Variants in CYP27C1 observed in about 807,000 individuals in gnomAD.
CYP27C1 encodes cytochrome P450 27C1.
Under a neutral mutation model 40.6 loss-of-function variants are expected in CYP27C1, and 29 were observed. The observed-to-expected ratio is 0.71, with a 90% CI of 0.53 to 0.97. CYP27C1 has a LOEUF of 0.97. Ranked by LOEUF, CYP27C1 falls within the 50% of genes least tolerant of loss-of-function variation. The probability of loss-of-function intolerance (pLI) is 0.00; values close to 1 mark genes in which losing one functional copy is unlikely to be tolerated. For missense variants in CYP27C1, 390 were observed against 485.8 expected, an observed-to-expected ratio of 0.80 and a Z score of 1.85; for synonymous variants, 198 against 186.8, an observed-to-expected ratio of 1.06 and a Z score of -0.49.
At chr2:127,210,398 T>G (rs765625285) in intron 1 of CYP27C1, among the ~76,000 whole-genome samples, 1 of 152,162 alleles carries the variant, frequency 6.6e-6, no homozygotes, top group Non-Finnish European at 1.5e-5. Flanking sequence ...TACCAGCCAC[T>G]GCAAAAACAC....
chr2:127,203,680 G>T, intron 2 of CYP27C1, 109 bp from the exon 3 acceptor site: 2 of 1,107,210 alleles, frequency 1.8e-6, no homozygotes, highest in Non-Finnish European at 2.6e-6. Context: ...AACAAGAGCT[G>T]CCCAACAAAG....
Position 127,193,837 on chromosome 2 carries a change from C to A in CYP27C1, c.1245G>T (p.Arg415=), listed in dbSNP as rs1172428913. 3.7e-6 allele frequency: 6 copies of A among 1,614,078 alleles called. No individual in the cohort carries two copies. The highest frequency in any genetic ancestry group is 1.3e-5 in the African/African-American group (1 of 74,930). ...CAATAACCAGGTCTTCCTGGGTGACCCGGCCGTTCCCTGGCAGCACTGGAA... is the reference window on the plus strand; with the variant it reads ...CAATAACCAGGTCTTCCTGGGTGACACGGCCGTTCCCTGGCAGCACTGGAA... ...RLFPVLPGNG[R]VTQEDLVIGG... The change falls in exon 7 of 9, where the codon CGG becomes CGT. Residue 415 remains arginine, a synonymous_variant. Transcript: ENST00000664447.
chr2:127,198,595 G>C (rs898354059), intron 5 of CYP27C1, among the ~76,000 whole-genome samples: 1 of 152,092 alleles, frequency 6.6e-6, no homozygotes, highest in Non-Finnish European at 1.5e-5. Context: ...GTCAATGATG[G>C]ACCCAATATA....
At chr2:127,192,906 G>A (rs1291716427) in intron 8 of CYP27C1, among the ~76,000 whole-genome samples, 188 bp downstream of exon 8, 1 of 152,202 alleles carries the variant, frequency 6.6e-6, no homozygotes, top group Non-Finnish European at 1.5e-5. Flanking sequence ...GAACTCCTGG[G>A]TTCAAGTGAG....
chr2:127,209,516 G>A lies in CYP27C1; in HGVS notation c.283-3426C>T, dbSNP rs1320688584. 6.6e-6 allele frequency among the ~76,000 whole-genome samples: 1 copy of A among 152,108 alleles called. No individual in the cohort carries two copies. The highest frequency in any genetic ancestry group is 1.5e-5 in the Non-Finnish European group (1 of 68,034). On this transcript the variant is annotated intron_variant, in intron 1 of 8. Transcript: ENST00000664447. This position sits in a 1 kb window ranked among gnomAD's most constrained non-coding sequence, Gnocchi z 4.1. ...CACAGAACTGGATGGAGGATCAGAT[G>A]GACGAATTGACAGAAGTACACTTCA... is the stretch of plus-strand genomic sequence containing the variant.
At chr2:127,203,610 A>C in intron 2 of CYP27C1, 39 bp from the exon 3 acceptor site, 1 of 1,571,020 alleles carries the variant, frequency 6.4e-7, no homozygotes, top group Admixed American at 2.0e-5. Context: ...TCTTACTTAC[A>C]CTGACATTCT....
At position 127,217,960 on chromosome 2, in the gene CYP27C1, G is replaced by A. The variant is rs528494413; in HGVS notation, c.282+2029C>T. 5.3e-5 allele frequency among the ~76,000 whole-genome samples: 8 copies of A among 152,326 alleles called. No individual in the cohort carries two copies. The South Asian group carries it at 1.5e-3, about 28-fold the overall frequency. ...AGTACCATATTTGAGGGTTGGGGTA[G>A]TGCCACCTGGAGAGTAAAGGGAAAG... is the stretch of plus-strand genomic sequence containing the variant. On this transcript the variant is annotated intron_variant, in intron 1 of 8. Transcript: ENST00000664447.
rs1412023711 is a variant in CYP27C1, at chr2:127,186,429, A to T, written c.*842T>A. On this transcript the variant is annotated 3_prime_UTR_variant, in exon 9 of 9. Coordinates refer to ENST00000664447, the MANE Select transcript of CYP27C1 (RefSeq NM_001367502.1). The surrounding 1 kb of genome is among the most constrained non-coding windows in gnomAD (Gnocchi z 4.5). ...TATTTTATTTTTGAGAAAGGGTCTC[A>T]CTCTGTCACCCAGGCTGAAGTGCAG... 6.7e-6 allele frequency: 1 copy of T among 149,892 alleles called. No individual in the cohort carries two copies. The highest frequency in any genetic ancestry group is 1.9e-4 in the East Asian group (1 of 5,142). The allele number at this position is 149,892 out of a possible 1,614,324, so 9.3% of individuals were successfully genotyped here.
intron 1 of CYP27C1, among the ~76,000 whole-genome samples, chr2:127,211,470 C>T (rs757040530): frequency 4.0e-5 from 6 of 149,862 alleles, no homozygotes; most frequent in Non-Finnish European, 8.9e-5. Flanking sequence ...GCAAGCTCCG[C>T]CTCCCGGGTT....
chr2:127,213,914 T>G, intron 1 of CYP27C1, among the ~76,000 whole-genome samples: 1 of 152,214 alleles, frequency 6.6e-6, no homozygotes, highest in Admixed American at 6.5e-5. Context: ...TCTACCCATC[T>G]GACAAAGGTC....
intron 3 of CYP27C1, among the ~76,000 whole-genome samples, chr2:127,202,923 C>T (rs1039387632): frequency 2.0e-5 from 3 of 152,068 alleles, no homozygotes; most frequent in Non-Finnish European, 4.4e-5. Flanking sequence ...AATCCCAGCA[C>T]TTTGGGAGGC....
rs1431812216 is a variant in CYP27C1 at position 127,195,565 on chromosome 2, G to A, written c.1048-64C>T. On this transcript the variant is annotated intron_variant, in intron 5 of 8. Transcript: ENST00000664447. This position sits in a 1 kb window ranked among gnomAD's most constrained non-coding sequence, Gnocchi z 6.2. Reference sequence around the variant, plus strand: ...TAACACCAGGGACTGAAACAGAGGCGGTGGCAGGTAGGAAGTCCCCTGGGA... The same window carrying A: ...TAACACCAGGGACTGAAACAGAGGCAGTGGCAGGTAGGAAGTCCCCTGGGA... 12 of 1,557,494 alleles carry A rather than the reference G, an allele frequency of 7.7e-6. No individual in the cohort carries two copies. Among genetic ancestry groups the A allele is most frequent in the South Asian group, 3.6e-5 (3 of 84,410 alleles).
At position 127,208,639 on chromosome 2, in the gene CYP27C1, T is replaced by C. The variant is rs1405079803; in HGVS notation, c.283-2549A>G. Among the ~76,000 whole-genome samples the C allele has an allele frequency of 6.6e-6, 1 of 152,146 alleles. No homozygotes were observed. Among genetic ancestry groups the C allele is most frequent in the African/African-American group, 2.4e-5 (1 of 41,430 alleles). ...TGGGGAAGGGTGGCACCCATTTCTA[T>C]AGCTCCAGGCTGCACTTTTCCCCTG... On this transcript the variant is annotated intron_variant, in intron 1 of 8. Transcript: ENST00000664447. The surrounding 1 kb of genome is among the most constrained non-coding windows in gnomAD (Gnocchi z 5.2).
chr2:127,202,366 T>C (rs551337852), intron 3 of CYP27C1, among the ~76,000 whole-genome samples: 1 of 152,280 alleles, frequency 6.6e-6, no homozygotes, highest in South Asian at 2.1e-4. Context: ...CCTCAGGTGA[T>C]CCACCCGCCT....
At chr2:127,217,394 AG>A (rs1310168112) in intron 1 of CYP27C1, among the ~76,000 whole-genome samples, 2 of 152,266 alleles carry the variant, frequency 1.3e-5, no homozygotes, top group Admixed American at 1.3e-4. Flanking sequence ...AAAGAGTTCT[AG>A]AAATACTGAT....
In CYP27C1 at chr2:127,193,150, G is replaced by A. The variant is rs764987463; in HGVS notation, c.1441C>T (p.Arg481Cys). ...FGSIPFGHGV[R>C]SCIGRRIAEL... ...GCAATTCTCCGCCCTATGCAGCTGC[G>A]AACCCCATGACCAAAGGGGATGGAT... Residue 481 changes from arginine to cysteine, a missense_variant, in exon 8 of 9, where the codon CGC becomes TGC. Physicochemically the swap from Arg to Cys is radical, Grantham distance 180. Transcript: ENST00000664447. The A allele has an allele frequency of 1.1e-5, 17 of 1,614,016 alleles. No homozygotes were observed. The highest frequency in any genetic ancestry group is 4.5e-5 in the East Asian group (2 of 44,890).
rs765708204 is a variant in CYP27C1, at chr2:127,187,300, T to C, written c.1585A>G (p.Ile529Val). 2 of 1,614,066 alleles carry C rather than the reference T, an allele frequency of 1.2e-6. No homozygotes were observed. Among genetic ancestry groups the C allele is most frequent in the African/African-American group, 1.3e-5 (1 of 74,928 alleles). Residue 529 changes from isoleucine to valine, a missense_variant, in exon 9 of 9, where the codon ATC (isoleucine) becomes GTC (valine). Ile to Val is a conservative substitution (Grantham distance 29). Transcript: ENST00000664447. ...TTTCTGTTAACAAATCGCACGTGGA[T>C]GGGCCCCCCTGGCGTCAGGAGCCCG... ...THGLLTPGGP[I>V]HVRFVNRK is the part of the protein sequence containing the mutation.
At position 127,218,150 on chromosome 2, in the gene CYP27C1, T is replaced by A. The variant is rs137871544; in HGVS notation, c.282+1839A>T. ...GAGGGGCTGAGCTCAGGGTGAGGGC[T>A]GGCGGCAGGGGCGGGTGAATGGAAA... On this transcript the variant is annotated intron_variant, in intron 1 of 8. Transcript: ENST00000664447. This position sits in a 1 kb window ranked among gnomAD's most constrained non-coding sequence, Gnocchi z 6.0. Among the ~76,000 whole-genome samples the A allele has an allele frequency of 6.6e-6, 1 of 152,146 alleles. No individual in the cohort carries two copies. Among genetic ancestry groups the A allele is most frequent in the East Asian group, 1.9e-4 (1 of 5,166 alleles).
At position 127,206,107 on chromosome 2, in the gene CYP27C1, A is replaced by G. The variant is rs1179491769; in HGVS notation, c.283-17T>C. On this transcript the variant is annotated splice_polypyrimidine_tract_variant and intron_variant, in intron 1 of 8. Coordinates refer to ENST00000664447, the MANE Select transcript of CYP27C1 (RefSeq NM_001367502.1). Reference sequence around the variant, plus strand: ...GTGCTTCTGCTGCAATACCATGGAGAAATCAAAAAAGGAAAAAATACATAG... The same window carrying G: ...GTGCTTCTGCTGCAATACCATGGAGGAATCAAAAAAGGAAAAAATACATAG... Among the ~76,000 whole-genome samples, 2 of 152,196 alleles carry G rather than the reference A, an allele frequency of 1.3e-5. No individual in the cohort carries two copies. Among genetic ancestry groups the G allele is most frequent in the African/African-American group, 4.8e-5 (2 of 41,438 alleles).
Sources: gnomAD v4.1 joint callset for allele counts (sites outside exome capture counted in the v4.1 genomes callset) on GRCh38, gnomAD v4.1.1 for gene constraint, Gnocchi (gnomAD v3.1) non-coding constraint, MANE v1.5 for transcripts, NCBI Gene and HGNC (gene_info 2026-07-23, HGNC 2026-07-21) for gene names.